NTF3: variants seen among roughly 807,000 people sequenced by gnomAD.
The protein encoded by NTF3 is neurotrophin-3.
NTF3 carries 8 observed loss-of-function variants against 26.3 expected under a neutral mutation model. That is an observed-to-expected ratio of 0.30 (90% CI 0.18 to 0.55). NTF3 has a LOEUF of 0.55. Ranked by LOEUF, NTF3 falls within the 20% of genes least tolerant of loss-of-function variation. The probability of loss-of-function intolerance (pLI) is 0.93; values close to 1 mark genes in which losing one functional copy is unlikely to be tolerated. For missense variants in NTF3, 276 were observed against 352.9 expected (o/e 0.78, Z 1.75); for synonymous variants, 154 against 145.5 (o/e 1.06, Z -0.42).
chr12:5,441,817 CA>C (rs1940240205), intron 1 of NTF3, among the ~76,000 whole-genome samples: 1 of 152,200 alleles, frequency 6.6e-6, no homozygotes, highest in Non-Finnish European at 1.5e-5. Flanking sequence ...TGGCCTGTCC[CA>C]AGGCTAAGGT....
chr12:5,443,844 T>C (rs1264168990), intron 1 of NTF3, among the ~76,000 whole-genome samples: 1 of 151,914 alleles, frequency 6.6e-6, no homozygotes, highest in Non-Finnish European at 1.5e-5. Context: ...TTTTGATGTG[T>C]GTGTGTGCAT....
chr12:5,461,920 C>G (rs1940530641), intron 1 of NTF3, among the ~76,000 whole-genome samples: 1 of 152,118 alleles, frequency 6.6e-6, no homozygotes, highest in African/African-American at 2.4e-5. Context: ...GAAAAGAAAA[C>G]TAGAGAATGT....
At chr12:5,480,143 T>A (rs1328959811) in intron 1 of NTF3, among the ~76,000 whole-genome samples, 1 of 152,218 alleles carries the variant, frequency 6.6e-6, no homozygotes, top group Non-Finnish European at 1.5e-5. Context: ...CCACAAAACC[T>A]TGCATGGGGT....
rs566636992 is a variant in NTF3 at position 5,479,579 on chromosome 12, A to C, written c.19-14615A>C. On this transcript the variant is annotated intron_variant, in intron 1 of 1. Transcript: ENST00000423158. ...CAGGATCAGGAGTCGGGAAGCAGGG[A>C]TTCTGCTTGTAGTTTTACATCTAGC... is the stretch of plus-strand genomic sequence containing the variant. Among the ~76,000 whole-genome samples the C allele has an allele frequency of 2.0e-5, 3 of 152,326 alleles. No individual in the cohort carries two copies. The East Asian group carries it at 5.8e-4, about 29-fold the overall frequency.
intron 1 of NTF3, among the ~76,000 whole-genome samples, chr12:5,469,333 A>G (rs550153214): frequency 1.3e-5 from 2 of 152,272 alleles, no homozygotes; most frequent in South Asian, 2.1e-4. Flanking sequence ...CCAGCAGACT[A>G]GAAGGGGAGG....
chr12:5,481,572 C>T (rs952992516), intron 1 of NTF3, among the ~76,000 whole-genome samples: 2 of 26,592 alleles, frequency 7.5e-5, no homozygotes, highest in African/African-American at 2.8e-4. Flanking sequence ...CACATACATA[C>T]ATGCACCACA....
In NTF3 at chr12:5,449,119, T is replaced by TG. The variant is rs1212152969; in HGVS notation, c.18+16777_18+16778insG. On this transcript the variant is annotated intron_variant, in intron 1 of 1. Coordinates refer to ENST00000423158, the MANE Select transcript of NTF3 (RefSeq NM_001102654.2). ...GAGGGTACCTGGAGTTCCTAAGACT[T>TG]CTGATGGATGATTGAGGAGAGCCCT... Among the ~76,000 whole-genome samples, 4 of 152,162 alleles carry TG rather than the reference T, an allele frequency of 2.6e-5. No individual in the cohort carries two copies. The East Asian group carries it at 7.7e-4, about 29-fold the overall frequency.
chr12:5,492,081 G>A (rs780155877), intron 1 of NTF3, among the ~76,000 whole-genome samples: 9 of 151,988 alleles, frequency 5.9e-5, no homozygotes, highest in Non-Finnish European at 1.3e-4. Context: ...AGATTAGATG[G>A]CCTCTTTATA....
intron 1 of NTF3, among the ~76,000 whole-genome samples, chr12:5,439,949 A>T (rs1940217394): frequency 6.6e-6 from 1 of 152,182 alleles, no homozygotes; most frequent in Non-Finnish European, 1.5e-5. Flanking sequence ...TGAGGTCCCC[A>T]GGCTGTGTTT....
intron 1 of NTF3, among the ~76,000 whole-genome samples, chr12:5,489,900 T>G (rs1940912622): frequency 6.6e-6 from 1 of 152,196 alleles, no homozygotes; most frequent in African/African-American, 2.4e-5. Context: ...AATCAGAAAT[T>G]GCTCTCTTTT....
intron 1 of NTF3, among the ~76,000 whole-genome samples, chr12:5,455,063 C>G (rs918972198): frequency 2.0e-5 from 3 of 152,174 alleles, no homozygotes; most frequent in African/African-American, 7.2e-5. Flanking sequence ...AGGAGCCTAA[C>G]GTGTGGAGCA....
intron 1 of NTF3, among the ~76,000 whole-genome samples, chr12:5,435,560 C>T (rs947391214): frequency 7.9e-5 from 12 of 151,846 alleles, no homozygotes; most frequent in African/African-American, 2.7e-4. Context: ...GGGAGCTGGA[C>T]GGTGTTGTTG....
At chr12:5,462,014 G>A (rs1188228296) in intron 1 of NTF3, among the ~76,000 whole-genome samples, 3 of 152,236 alleles carry the variant, frequency 2.0e-5, no homozygotes, top group African/African-American at 2.4e-5. Flanking sequence ...GTGGTAAAAT[G>A]TTGTCACAGG....
rs529369609 is a variant in NTF3 at position 5,470,956 on chromosome 12, T to A, written c.19-23238T>A. 3.3e-5 allele frequency among the ~76,000 whole-genome samples: 5 copies of A among 151,518 alleles called. No homozygotes were observed. The South Asian group carries it at 1.0e-3, about 31-fold the overall frequency. On this transcript the variant is annotated intron_variant, in intron 1 of 1. Coordinates refer to ENST00000423158, the MANE Select transcript of NTF3 (RefSeq NM_001102654.2). ...ATACACGCAGAAGCTGCACATGTTGTCAACACCTGCTTTGAGCTCCTTTCC... is the reference window on the plus strand; with the variant it reads ...ATACACGCAGAAGCTGCACATGTTGACAACACCTGCTTTGAGCTCCTTTCC...
At position 5,494,966 on chromosome 12, in the gene NTF3, C is replaced by G. The variant is rs1940990790; in HGVS notation, c.791C>G (p.Ser264Trp). The change falls in exon 2 of 2, where the codon TCG becomes TGG. Residue 264 changes from serine (S) to tryptophan (W), a missense_variant. Ser to Trp is a radical substitution (Grantham distance 177). Transcript: ENST00000423158. The surrounding 1 kb of genome is among the most constrained non-coding windows in gnomAD (Gnocchi z 8.3). ...GACACGTCCTGTGTGTGTGCCTTGT[C>G]GAGAAAAATCGGAAGAACATGAATT... The part of the protein sequence containing the change: ...RIDTSCVCAL[S>W]RKIGRT 1 of 1,613,704 alleles carries G rather than the reference C, an allele frequency of 6.2e-7. No individual in the cohort carries two copies. Among genetic ancestry groups the G allele is most frequent in the Non-Finnish European group, 8.5e-7 (1 of 1,179,916 alleles).
At chr12:5,483,904 G>A (rs1940836890) in intron 1 of NTF3, among the ~76,000 whole-genome samples, 1 of 152,212 alleles carries the variant, frequency 6.6e-6, no homozygotes, top group Non-Finnish European at 1.5e-5. Context: ...GAAGGTGGAT[G>A]CCAATAGATG....
chr12:5,474,112 G>A (rs1319343084), intron 1 of NTF3, among the ~76,000 whole-genome samples: 1 of 152,216 alleles, frequency 6.6e-6, no homozygotes, highest in African/African-American at 2.4e-5. Context: ...TGACAATAAT[G>A]ATGGCAGGAC....
intron 1 of NTF3, among the ~76,000 whole-genome samples, chr12:5,449,773 A>G (rs929726589): frequency 4.6e-5 from 7 of 152,172 alleles, no homozygotes; most frequent in African/African-American, 1.7e-4. Flanking sequence ...AGGATAATCC[A>G]TCTGATTTCA....
intron 1 of NTF3, 116 bp downstream of exon 1, chr12:5,432,458 C>G (rs71578945): frequency 0.011 from 12,522 of 1,142,298 alleles, 96 homozygotes; most frequent in Non-Finnish European, 0.013. Context: ...CCGCCCCACC[C>G]CCATCGCGCC....
Sources: allele counts gnomAD v4.1 joint callset (sites outside exome capture counted in the v4.1 genomes callset), GRCh38; gene constraint gnomAD v4.1.1; non-coding constraint Gnocchi (gnomAD v3.1); transcripts MANE v1.5; gene names NCBI Gene and HGNC (gene_info 2026-07-23, HGNC 2026-07-21).